The following MGAT4C variants were observed in gnomAD, a reference collection of about 807,000 sequenced individuals.
MGAT4C encodes alpha-1,3-mannosyl-glycoprotein 4-beta-N-acetylglucosaminyltransferase C.
Under a neutral mutation model 40.1 loss-of-function variants are expected in MGAT4C, and 19 were observed. The ratio of observed to expected loss-of-function variants is 0.47; its 90% confidence interval spans 0.33 to 0.70. MGAT4C has a LOEUF of 0.70. MGAT4C is among the 30% of genes least tolerant of loss of function. The pLI is 0.02. For synonymous variants in MGAT4C, 181 were observed against 187.1 expected, an observed-to-expected ratio of 0.97 and a Z score of 0.27; for missense variants, 491 against 563.2, an observed-to-expected ratio of 0.87 and a Z score of 1.30.
At chr12:86,638,087 T>A (rs117409448) in intron 2 of MGAT4C, among the ~76,000 whole-genome samples, 5,267 of 147,796 alleles carry the variant, frequency 0.036, 138 homozygotes, top group Non-Finnish European at 0.049. Flanking sequence ...ATTTTATCCG[T>A]AAACAATTTA....
chr12:86,567,787 T>G (rs1960196306), intron 2 of MGAT4C, among the ~76,000 whole-genome samples: 1 of 152,354 alleles, frequency 6.6e-6, no homozygotes, highest in East Asian at 1.9e-4. Flanking sequence ...TGAGTATTTC[T>G]TCCTTATTTT....
intron 1 of MGAT4C, among the ~76,000 whole-genome samples, chr12:86,171,083 A>G (rs1265741358): frequency 2.0e-5 from 3 of 150,350 alleles, no homozygotes; most frequent in Non-Finnish European, 4.4e-5. Context: ...GATGTTTACT[A>G]TCTTATGGCT....
intron 2 of MGAT4C, among the ~76,000 whole-genome samples, chr12:86,702,574 T>C (rs1950383196): frequency 6.6e-6 from 1 of 152,182 alleles, no homozygotes; most frequent in Admixed American, 6.5e-5. Flanking sequence ...GTACTCTGCA[T>C]GTGCTGTATA....
At chr12:86,182,402 A>T (rs1888224928) in intron 1 of MGAT4C, among the ~76,000 whole-genome samples, 1 of 152,190 alleles carries the variant, frequency 6.6e-6, no homozygotes, top group South Asian at 2.1e-4. Context: ...AATTCTTATT[A>T]GATTCATGGT....
intron 2 of MGAT4C, among the ~76,000 whole-genome samples, chr12:85,995,792 T>C (rs1318988742): frequency 6.6e-6 from 1 of 152,084 alleles, no homozygotes; most frequent in Non-Finnish European, 1.5e-5. Flanking sequence ...TACTCAAGCC[T>C]GGGAGGTCAA....
chr12:86,289,672 G>A (rs898602854), intron 4 of MGAT4C, among the ~76,000 whole-genome samples: 13 of 152,204 alleles, frequency 8.5e-5, no homozygotes, highest in East Asian at 5.8e-4. Flanking sequence ...TGGCTATTGC[G>A]AGTGGGATTG....
At chr12:86,753,111 C>T (rs193043433) in intron 1 of MGAT4C, among the ~76,000 whole-genome samples, 43 of 152,178 alleles carry the variant, frequency 2.8e-4, no homozygotes, top group Non-Finnish European at 4.7e-4. Flanking sequence ...GACTGAAAAG[C>T]CCCCCAAAGT....
At chr12:86,388,138 T>C (rs1362639878) in intron 3 of MGAT4C, among the ~76,000 whole-genome samples, 1 of 152,144 alleles carries the variant, frequency 6.6e-6, no homozygotes, top group Non-Finnish European at 1.5e-5. Flanking sequence ...AAGAAGACTA[T>C]AATGATAATA....
intron 1 of MGAT4C, among the ~76,000 whole-genome samples, chr12:86,241,891 TCCTGAGCCTTG>T (rs776179816): frequency 1.3e-5 from 2 of 152,138 alleles, no homozygotes; most frequent in African/African-American, 4.8e-5. Context: ...AAGCCACTCT[TCCTGAGCCTTG>T]CCTGAGCCTG....
At chr12:86,292,742 A>G (rs573334491) in intron 4 of MGAT4C, among the ~76,000 whole-genome samples, 2 of 152,274 alleles carry the variant, frequency 1.3e-5, no homozygotes, top group South Asian at 4.1e-4. Flanking sequence ...TGTCATTTTA[A>G]TCATGTTGGT....
At chr12:86,568,971 G>T (rs1005978311) in intron 2 of MGAT4C, among the ~76,000 whole-genome samples, 4 of 151,716 alleles carry the variant, frequency 2.6e-5, no homozygotes, top group Non-Finnish European at 5.9e-5. Flanking sequence ...AACTAAAAAG[G>T]CGCTTCCATT....
intron 3 of MGAT4C, among the ~76,000 whole-genome samples, chr12:86,380,556 G>T (rs997815095): frequency 2.0e-5 from 3 of 152,102 alleles, no homozygotes; most frequent in African/African-American, 7.2e-5. Context: ...CATAATCAGT[G>T]CTGTCTCTTC....
intron 1 of MGAT4C, among the ~76,000 whole-genome samples, chr12:86,756,110 G>A (rs1434219790): frequency 6.6e-6 from 1 of 152,068 alleles, no homozygotes; most frequent in Non-Finnish European, 1.5e-5. Context: ...AGGCTGGGCA[G>A]TTTAAACACA....
chr12:86,802,193 ATAACCT>A (rs1203084327), intron 1 of MGAT4C, among the ~76,000 whole-genome samples: 1 of 151,956 alleles, frequency 6.6e-6, no homozygotes, highest in Non-Finnish European at 1.5e-5. Flanking sequence ...GAGTATTTTA[ATAACCT>A]TAAACTTGCC....
intron 2 of MGAT4C, among the ~76,000 whole-genome samples, chr12:86,577,549 T>C (rs185340890): frequency 1.3e-5 from 2 of 151,984 alleles, no homozygotes; most frequent in East Asian, 1.9e-4. Flanking sequence ...GAAATGGTCA[T>C]ATAGTTTTTA....
intron 1 of MGAT4C, among the ~76,000 whole-genome samples, chr12:86,740,791 G>A (rs1951057716): frequency 6.6e-6 from 1 of 150,990 alleles, no homozygotes; most frequent in Non-Finnish European, 1.5e-5. Flanking sequence ...CAAATGCTAG[G>A]GATTTGTTAT....
intron 2 of MGAT4C, among the ~76,000 whole-genome samples, chr12:86,592,943 A>T (rs1201652338): frequency 1.3e-5 from 2 of 152,170 alleles, no homozygotes; most frequent in Non-Finnish European, 2.9e-5. Flanking sequence ...TCATTTGTGA[A>T]CACAAAGTAA....
chr12:85,994,197 C>T (rs1886325403), intron 2 of MGAT4C, among the ~76,000 whole-genome samples: 1 of 152,178 alleles, frequency 6.6e-6, no homozygotes, highest in African/African-American at 2.4e-5. Flanking sequence ...ATATAATTCC[C>T]AAGAGTTGAC....
chr12:86,670,383 AAAAC>A (rs764093671), intron 2 of MGAT4C, among the ~76,000 whole-genome samples: 8 of 152,284 alleles, frequency 5.3e-5, no homozygotes, highest in African/African-American at 9.6e-5. Context: ...TCTGGAATTT[AAAAC>A]AAACAAACAA....
Sources: gnomAD v4.1 joint callset for allele counts (sites outside exome capture counted in the v4.1 genomes callset) on GRCh38, gnomAD v4.1.1 for gene constraint, MANE v1.5 for transcripts, NCBI Gene and HGNC (gene_info 2026-07-23, HGNC 2026-07-21) for gene names.